Variants in SLC14A2 observed in about 807,000 individuals in gnomAD.
SLC14A2 encodes the protein solute carrier family 14 member 2.
In SLC14A2, 91 loss-of-function variants were observed where a neutral mutation model predicts 104.6. That is an observed-to-expected ratio of 0.87 (90% CI 0.73 to 1.04). SLC14A2 has a LOEUF of 1.04. Ranked by LOEUF, SLC14A2 falls within the 50% of genes least tolerant of loss-of-function variation. The probability of loss-of-function intolerance (pLI) is 0.00; values close to 1 mark genes in which losing one functional copy is unlikely to be tolerated. For synonymous variants in SLC14A2, 476 were observed against 466.4 expected (o/e 1.02, Z -0.27); for missense variants, 1,189 against 1,156.0 (o/e 1.03, Z -0.41).
intron 5 of SLC14A2, among the ~76,000 whole-genome samples, chr18:45,635,725 G>A (rs2144537908): frequency 6.6e-6 from 1 of 152,284 alleles, no homozygotes; most frequent in South Asian, 2.1e-4. Flanking sequence ...CAGGTTAAAG[G>A]GGGAAGATGT....
intron 7 of SLC14A2, 142 bp downstream of exon 7, chr18:45,640,035 T>C (rs897935627): frequency 1.0e-5 from 8 of 784,186 alleles, no homozygotes; most frequent in Non-Finnish European, 1.6e-5. Flanking sequence ...GACTTATGCC[T>C]GTAATCCCAG....
rs1220984408 is a variant in SLC14A2, at chr18:45,643,168, A to G, written c.1163A>G (p.Asn388Ser). The G allele has an allele frequency of 1.2e-6, 2 of 1,614,110 alleles. No homozygotes were observed. The highest frequency in any genetic ancestry group is 1.7e-6 in the Non-Finnish European group (2 of 1,179,934). ...FCAYMEAAISNIMSVVGVPPG... is the reference protein window; with the variant it reads ...FCAYMEAAISSIMSVVGVPPG... The stretch of plus-strand genomic sequence containing the variant: ...GCATACATGGAAGCAGCCATCTCCA[A>G]CATCATGTCAGTGGTAAGTGTGGAT... The change falls in exon 9 of 20, where the codon AAC becomes AGC. Residue 388 changes from asparagine to serine, a missense_variant. Transcript: ENST00000255226.
At position 45,638,213 on chromosome 18, in the gene SLC14A2, G is replaced by T. The variant is rs1414862093; in HGVS notation, c.843+1031G>T. Among the ~76,000 whole-genome samples, 4 of 152,138 alleles carry T rather than the reference G, an allele frequency of 2.6e-5. No individual in the cohort carries two copies. The East Asian group carries it at 7.7e-4, about 29-fold the overall frequency. The stretch of plus-strand genomic sequence containing the variant: ...CATTTAAGCTGAGTTCCCTGGTCTG[G>T]TACAAAGTGTTTTCTGGGTTTCTAT... On this transcript the variant is annotated intron_variant, in intron 6 of 19. Transcript: ENST00000255226.
At chr18:45,572,785 G>A (rs2044366602) in intron 2 of SLC14A2, among the ~76,000 whole-genome samples, 1 of 152,122 alleles carries the variant, frequency 6.6e-6, no homozygotes, top group African/African-American at 2.4e-5. Flanking sequence ...CCACTGGGCT[G>A]TAACACTTAC....
intron 2 of SLC14A2, among the ~76,000 whole-genome samples, chr18:45,567,104 C>T (rs1222890525): frequency 1.6e-5 from 2 of 122,076 alleles, no homozygotes; most frequent in Non-Finnish European, 3.3e-5. Flanking sequence ...GTGTGTAACT[C>T]ACAAGGAGAA....
chr18:45,393,102 G>A (rs1438111352), intron 1 of SLC14A2, among the ~76,000 whole-genome samples: 2 of 152,112 alleles, frequency 1.3e-5, no homozygotes, highest in Admixed American at 1.3e-4. Context: ...CTATAAAGAG[G>A]GAGAAAAGTC....
rs1317108448 is a variant in SLC14A2, at chr18:45,278,679, CCCTGTGAAA to C, written c.-125+65494_-125+65502del. 6.6e-5 allele frequency among the ~76,000 whole-genome samples: 10 copies of C among 152,252 alleles called. No homozygotes were observed. In the East Asian group the frequency reaches 1.7e-3, roughly 26 times the overall value. On this transcript the variant is annotated intron_variant, in intron 1 of 20. Coordinates refer to the SLC14A2 transcript ENST00000586448. ...ATGCATACTGTAGTCCCATAGTCAG[CCCTGTGAAA>C]CCTGTATATACTTGGATTTCACATC...
chr18:45,246,452 A>C (rs940096488), intron 1 of SLC14A2, among the ~76,000 whole-genome samples: 3 of 152,234 alleles, frequency 2.0e-5, no homozygotes. Flanking sequence ...TACATATTTT[A>C]TATAGTGTAT....
At chr18:45,612,868 T>C (rs2044994499), upstream of SLC14A2, among the ~76,000 whole-genome samples, 1 of 152,146 alleles carries the variant, frequency 6.6e-6, no homozygotes, top group African/African-American at 2.4e-5. Flanking sequence ...GTTTGGCAAG[T>C]TCCTCCTTCT....
chr18:45,240,129 C>A (rs1015177250), intron 1 of SLC14A2, among the ~76,000 whole-genome samples: 2 of 125,620 alleles, frequency 1.6e-5, no homozygotes, highest in African/African-American at 3.1e-5. Flanking sequence ...CCGAGTCTCA[C>A]TCTGTTGCCC....
chr18:45,432,040 C>T (rs2612557), intron 1 of SLC14A2, among the ~76,000 whole-genome samples: 35,603 of 152,032 alleles, frequency 0.23, 4,442 homozygotes, highest in South Asian at 0.4. Context: ...GAAAACTGAG[C>T]GCAGGGCTTC....
intron 12 of SLC14A2, 115 bp downstream of exon 12, chr18:45,666,334 C>T (rs1329970427): frequency 4.5e-6 from 3 of 672,544 alleles, no homozygotes; most frequent in Non-Finnish European, 8.0e-6. Flanking sequence ...ACTTTTCTTG[C>T]ATTCGTATTT....
chr18:45,241,712 C>T (rs1210624793), intron 1 of SLC14A2, among the ~76,000 whole-genome samples: 6 of 144,982 alleles, frequency 4.1e-5, no homozygotes, highest in Non-Finnish European at 7.5e-5. Context: ...GGCACAATCT[C>T]GGCTCACAGC....
chr18:45,510,360 T>C (rs1282315982), intron 2 of SLC14A2, among the ~76,000 whole-genome samples: 1 of 152,106 alleles, frequency 6.6e-6, no homozygotes, highest in Non-Finnish European at 1.5e-5. Flanking sequence ...CCCCAAGCCA[T>C]ACTAAGCGTA....
chr18:45,290,029 C>G (rs1408617069), intron 1 of SLC14A2, among the ~76,000 whole-genome samples: 1 of 152,220 alleles, frequency 6.6e-6, no homozygotes, highest in African/African-American at 2.4e-5. Flanking sequence ...AAGATCCCAT[C>G]TGTGGCTCAT....
At chr18:45,538,947 C>T (rs139447379) in intron 2 of SLC14A2, among the ~76,000 whole-genome samples, 1 of 150,398 alleles carries the variant, frequency 6.6e-6, no homozygotes, top group Non-Finnish European at 1.5e-5. Flanking sequence ...TCTTGCATCC[C>T]TTCCTTCCTG....
At chr18:45,660,150 C>T (rs2045915046) in intron 10 of SLC14A2, among the ~76,000 whole-genome samples, 1 of 152,026 alleles carries the variant, frequency 6.6e-6, no homozygotes, top group Admixed American at 6.6e-5. Context: ...TATTAAAATG[C>T]ATAGGATAAT....
chr18:45,618,390 C>A (rs1018613707), intron 1 of SLC14A2, among the ~76,000 whole-genome samples: 3 of 152,122 alleles, frequency 2.0e-5, no homozygotes, highest in Non-Finnish European at 2.9e-5. Flanking sequence ...GAAGTAAGGC[C>A]AGGCACAATG....
At position 45,272,235 on chromosome 18, in the gene SLC14A2, C is replaced by T. The variant is rs377002839; in HGVS notation, c.-125+59044C>T. On this transcript the variant is annotated intron_variant, in intron 1 of 20. Coordinates refer to the SLC14A2 transcript ENST00000586448. ...GCTACCATATCATCCAGCAATCCCA[C>T]TGCTGGGTATATATCCAAAAGAAAG... Among the ~76,000 whole-genome samples, 15 of 152,148 alleles carry T rather than the reference C, an allele frequency of 9.9e-5. No individual in the cohort carries two copies. The South Asian group carries it at 2.7e-3, about 27-fold the overall frequency.
Sources: allele counts gnomAD v4.1 joint callset (sites outside exome capture counted in the v4.1 genomes callset), GRCh38; gene constraint gnomAD v4.1.1; transcripts MANE v1.5; gene names NCBI Gene and HGNC (gene_info 2026-07-23, HGNC 2026-07-21).